PKD2L1: variants seen among roughly 807,000 people sequenced by gnomAD.
PKD2L1 encodes the protein polycystin 2 like 1, transient receptor potential cation channel.
A neutral mutation model predicts 93.0 loss-of-function variants in PKD2L1; 77 were observed. That is an observed-to-expected ratio of 0.83 (90% CI 0.69 to 1.00). The LOEUF (loss-of-function observed/expected upper bound fraction) is 1.00. PKD2L1 is among the 50% of genes least tolerant of loss of function. The pLI, the probability that PKD2L1 is intolerant of heterozygous loss-of-function variation, is 0.00. For missense variants in PKD2L1, 977 were observed against 990.9 expected, an observed-to-expected ratio of 0.99 and a Z score of 0.19; for synonymous variants, 390 against 388.0, an observed-to-expected ratio of 1.01 and a Z score of -0.06.
intron 2 of PKD2L1, among the ~76,000 whole-genome samples, chr10:100,321,758 G>GAAAGAAAGAAAGAAAGAAAGAAAAGAAA (rs1564894560): frequency 1.4e-3 from 2 of 1,384 alleles, no homozygotes; most frequent in Admixed American, 0.011. Context: ...AAAGAAAGAA[G>GAAAGAAAGAAAGAAAGAAAGAAAAGAAA]GGAGGGAGGG....
intron 8 of PKD2L1, 126 bp from the exon 9 acceptor site, chr10:100,294,781 G>A: frequency 2.2e-6 from 3 of 1,394,796 alleles, no homozygotes; most frequent in Non-Finnish European, 3.0e-6. Flanking sequence ...AGGGTGCTTA[G>A]ATTATTTAAG....
At position 100,297,053 on chromosome 10, in the gene PKD2L1, A is replaced by G. The variant is rs374448826; in HGVS notation, c.1112T>C (p.Ile371Thr). Residue 371 changes from isoleucine (I) to threonine (T), a missense_variant, in exon 6 of 16, where the codon ATC (isoleucine) becomes ACC (threonine). By Grantham distance (89) the Ile-to-Thr change is moderately conservative. Coordinates refer to ENST00000318222, the MANE Select transcript of PKD2L1 (RefSeq NM_016112.3). ...AAGCCGGTGAATGTGGAGCTCCAGGATCTCTTCCACCACATAGTAGAAGAT... is the reference window on the plus strand; with the variant it reads ...AAGCCGGTGAATGTGGAGCTCCAGGGTCTCTTCCACCACATAGTAGAAGAT... ...VFIFYYVVEE[I>T]LELHIHRLRY... 5 of 1,614,096 alleles carry G rather than the reference A, an allele frequency of 3.1e-6. No individual in the cohort carries two copies. In the East Asian group the frequency reaches 6.7e-5, roughly 22 times the overall value.
At chr10:100,314,389 G>A (rs767546013) in intron 2 of PKD2L1, among the ~76,000 whole-genome samples, 2 of 152,148 alleles carry the variant, frequency 1.3e-5, no homozygotes, top group African/African-American at 2.4e-5. Context: ...AGGTAGGCGA[G>A]AAGAAAGCAA....
At position 100,294,622 on chromosome 10, in the gene PKD2L1, A is replaced by G; in HGVS notation, c.1572T>C (p.Phe524=). 6.2e-7 allele frequency: 1 copy of G among 1,614,056 alleles called. No homozygotes were observed. The highest frequency in any genetic ancestry group is 2.2e-5 in the East Asian group (1 of 44,872). Reference sequence around the variant, plus strand: ...TGGCATTGTCGATAGCATTGTAGTCAAAGTCCCCGAGGATTATCCGGAACT... The same window carrying G: ...TGGCATTGTCGATAGCATTGTAGTCGAAGTCCCCGAGGATTATCCGGAACT... The part of the protein sequence containing the change: ...FTQFRIILGD[F]DYNAIDNANR... The change falls in exon 9 of 16, where the codon TTT becomes TTC. Residue 524 remains phenylalanine, a synonymous_variant. Transcript: ENST00000318222.
intron 2 of PKD2L1, among the ~76,000 whole-genome samples, chr10:100,323,558 G>A (rs575832432): frequency 2.0e-5 from 3 of 151,820 alleles, no homozygotes; most frequent in South Asian, 2.1e-4. Flanking sequence ...CATGAGCCAC[G>A]GCGCCCGGCT....
intron 2 of PKD2L1, among the ~76,000 whole-genome samples, chr10:100,321,717 A>G (rs1158252695): frequency 1.2e-4 from 1 of 8,116 alleles, no homozygotes; most frequent in Non-Finnish European, 2.8e-4. Flanking sequence ...GAAAGAAAGA[A>G]AGAAAGAAAG....
Position 100,323,931 on chromosome 10 carries a change from G to A in PKD2L1, c.349+5280C>T, listed in dbSNP as rs147982042. The stretch of plus-strand genomic sequence containing the variant: ...CAACCTCCGCCTCCCAGGTTCAAGT[G>A]ATTCTCCTGTCTCAGCCTCCTGAGT... On this transcript the variant is annotated intron_variant, in intron 2 of 15. Transcript: ENST00000318222. Among the ~76,000 whole-genome samples the A allele has an allele frequency of 9.6e-3, 1,454 of 152,202 alleles. 27 individuals are homozygous for A. The highest frequency in any genetic ancestry group is 0.033 in the African/African-American group (1,367 of 41,510).
intron 2 of PKD2L1, among the ~76,000 whole-genome samples, chr10:100,321,683 GAAA>G (rs1849235191): frequency 1.2e-3 from 1 of 810 alleles, no homozygotes; most frequent in Non-Finnish European, 3.0e-3. Context: ...AAGAAAGAAA[GAAA>G]GAAAGAAAGA....
intron 2 of PKD2L1, among the ~76,000 whole-genome samples, chr10:100,320,727 C>A (rs942861594): frequency 2.0e-5 from 3 of 152,146 alleles, no homozygotes; most frequent in Admixed American, 2.0e-4. Context: ...CCATCTTATA[C>A]CTATTTAATA....
intron 2 of PKD2L1, among the ~76,000 whole-genome samples, chr10:100,311,281 T>C (rs1340738339): frequency 6.6e-6 from 1 of 152,204 alleles, no homozygotes; most frequent in Admixed American, 6.5e-5. Flanking sequence ...CACGTTTTTT[T>C]CCTCTTCTAA....
chr10:100,293,007 C>G lies in PKD2L1; in HGVS notation c.1821G>C (p.Lys607Asn), dbSNP rs375414109. The G allele has an allele frequency of 1.2e-6, 2 of 1,614,060 alleles. No homozygotes were observed. Among genetic ancestry groups the G allele is most frequent in the Non-Finnish European group, 8.5e-7 (1 of 1,179,896 alleles). The change falls in exon 11 of 16, where the codon AAG (lysine) becomes AAC (asparagine). Residue 607 changes from lysine (K) to asparagine (N), a missense_variant. Lys to Asn is a moderately conservative substitution (Grantham distance 94, BLOSUM62 0). Transcript: ENST00000318222. ...TCTCCTGCTCCCCACCCTGCAGGAC[C>G]TTCTGCACATCCGAAACCCTCTCCT... ...LRKERVSDVQ[K>N]VLQGGEQEIQ...
chr10:100,299,438 T>G (rs967217919), intron 3 of PKD2L1, among the ~76,000 whole-genome samples, 153 bp downstream of exon 3: 1 of 152,196 alleles, frequency 6.6e-6, no homozygotes, highest in African/African-American at 2.4e-5. Flanking sequence ...CCACCTGAAC[T>G]CTAGACTAAC....
chr10:100,291,341 T>C lies in PKD2L1; in HGVS notation c.1967A>G (p.Lys656Arg). ...GTCCTGTCGCATTTTTTCCTGTTCCTTCTCATCCAGAATACGATTCCCATC... is the reference window on the plus strand; with the variant it reads ...GTCCTGTCGCATTTTTTCCTGTTCCCTCTCATCCAGAATACGATTCCCATC... ...DRDGNRILDEKEQEKMRQDLE... is the reference protein window; with the variant it reads ...DRDGNRILDEREQEKMRQDLE... The change falls in exon 12 of 16, where the codon AAG becomes AGG. Residue 656 changes from lysine (K) to arginine (R), a missense_variant. Coordinates refer to ENST00000318222, the MANE Select transcript of PKD2L1 (RefSeq NM_016112.3). 1 of 1,614,116 alleles carries C rather than the reference T, an allele frequency of 6.2e-7. No homozygotes were observed. The highest frequency in any genetic ancestry group is 8.5e-7 in the Non-Finnish European group (1 of 1,179,986).
chr10:100,294,442 G>A, intron 9 of PKD2L1, 93 bp downstream of exon 9: 1 of 1,383,198 alleles, frequency 7.2e-7, no homozygotes, highest in Non-Finnish European at 1.0e-6. Context: ...TCCTTGATTT[G>A]AGAAACTTAT....
chr10:100,321,767 G>A lies in PKD2L1; in HGVS notation c.349+7444C>T. On this transcript the variant is annotated intron_variant, in intron 2 of 15. Transcript: ENST00000318222. ...AGAAAGAAAGAAAGAAGGGAGGGAG[G>A]GAGGGAGGGAGGGAGGGAGGGAGGG... Among the ~76,000 whole-genome samples, 9 of 1,928 alleles carry A rather than the reference G, an allele frequency of 4.7e-3. 4 individuals carry two copies. The highest frequency in any genetic ancestry group is 0.025 in the African/African-American group (9 of 362). The allele number at this position is 1,928 out of a possible 152,430, so 1.3% of individuals were successfully genotyped here.
intron 7 of PKD2L1, among the ~76,000 whole-genome samples, 170 bp from the exon 8 acceptor site, chr10:100,295,293 G>A (rs995213455): frequency 3.3e-5 from 5 of 152,038 alleles, no homozygotes; most frequent in East Asian, 1.9e-4. Context: ...ATGGTGGCAC[G>A]CACCTGTAAT....
chr10:100,313,961 A>G (rs1016515457), intron 2 of PKD2L1, among the ~76,000 whole-genome samples: 3 of 152,220 alleles, frequency 2.0e-5, no homozygotes, highest in African/African-American at 7.2e-5. Flanking sequence ...TAAGTAATTA[A>G]TAGTTGCTTG....
At chr10:100,307,447 C>CG (rs1198489092) in intron 2 of PKD2L1, among the ~76,000 whole-genome samples, 1 of 152,082 alleles carries the variant, frequency 6.6e-6, no homozygotes, top group Non-Finnish European at 1.5e-5. Context: ...CACTTGAGCC[C>CG]GGGAATTCAT....
At chr10:100,291,706 C>T (rs1375955360) in intron 11 of PKD2L1, among the ~76,000 whole-genome samples, 2 of 152,126 alleles carry the variant, frequency 1.3e-5, no homozygotes, top group Non-Finnish European at 2.9e-5. Flanking sequence ...CCCCAGCTTC[C>T]CCTTTACTCC....
Sources: gnomAD v4.1 joint callset for allele counts (sites outside exome capture counted in the v4.1 genomes callset) on GRCh38, gnomAD v4.1.1 for gene constraint, MANE v1.5 for transcripts, NCBI Gene and HGNC (gene_info 2026-07-23, HGNC 2026-07-21) for gene names.